Variants in PRKCA observed in about 807,000 individuals in gnomAD.
The protein encoded by PRKCA is protein kinase C alpha type.
In PRKCA, 27 loss-of-function variants were observed where a neutral mutation model predicts 87.0. The observed-to-expected ratio is 0.31, with a 90% CI of 0.23 to 0.43. PRKCA has a LOEUF of 0.43. Ranked by LOEUF, PRKCA falls within the 20% of genes least tolerant of loss-of-function variation. The pLI is 1.00. For missense variants in PRKCA, 518 were observed against 852.3 expected (o/e 0.61, Z 4.88); for synonymous variants, 329 against 311.1 (o/e 1.06, Z -0.61).
At chr17:66,750,258 G>A (rs771984075) in intron 13 of PRKCA, among the ~76,000 whole-genome samples, 1 of 152,094 alleles carries the variant, frequency 6.6e-6, no homozygotes, top group Non-Finnish European at 1.5e-5. Context: ...AAAAGCACTT[G>A]ATGAAAGAAA....
chr17:66,548,741 AG>A (rs540326116), intron 3 of PRKCA, among the ~76,000 whole-genome samples: 252 of 152,168 alleles, frequency 1.7e-3, no homozygotes, highest in African/African-American at 5.8e-3. Context: ...GATGCTGACA[AG>A]GCAGGGCGGC....
At chr17:66,538,293 G>A (rs545830399) in intron 3 of PRKCA, among the ~76,000 whole-genome samples, 11 of 152,214 alleles carry the variant, frequency 7.2e-5, no homozygotes, top group African/African-American at 2.6e-4. Flanking sequence ...CTGCAAAATG[G>A]GAGACTAGCA....
intron 2 of PRKCA, among the ~76,000 whole-genome samples, chr17:66,346,255 C>T (rs1291083480): frequency 6.6e-6 from 1 of 151,930 alleles, no homozygotes; most frequent in African/African-American, 2.4e-5. Flanking sequence ...TGCCACCACG[C>T]CTGGCTAATT....
chr17:66,516,403 C>A (rs1254729448), intron 3 of PRKCA, among the ~76,000 whole-genome samples: 1 of 152,042 alleles, frequency 6.6e-6, no homozygotes, highest in Non-Finnish European at 1.5e-5. Context: ...AAAGCCGAGG[C>A]GGGTGAATCA....
intron 2 of PRKCA, among the ~76,000 whole-genome samples, chr17:66,384,678 G>C (rs956335392): frequency 1.3e-5 from 2 of 151,992 alleles, no homozygotes; most frequent in African/African-American, 4.8e-5. Context: ...GCCCAGGCTG[G>C]AGTGTAGTGG....
intron 3 of PRKCA, among the ~76,000 whole-genome samples, chr17:66,498,122 C>A (rs921694984): frequency 9.9e-5 from 15 of 151,914 alleles, no homozygotes; most frequent in Non-Finnish European, 1.9e-4. Context: ...CATTCCCCTG[C>A]CCTCCCCCCT....
chr17:66,469,686 AAC>A (rs751001634), intron 2 of PRKCA, among the ~76,000 whole-genome samples: 1 of 152,228 alleles, frequency 6.6e-6, no homozygotes, highest in Non-Finnish European at 1.5e-5. Context: ...TTATTGAGGA[AAC>A]ATTTGCAAGT....
At chr17:66,476,832 A>G (rs1429207670) in intron 2 of PRKCA, among the ~76,000 whole-genome samples, 1 of 152,152 alleles carries the variant, frequency 6.6e-6, no homozygotes, top group Non-Finnish European at 1.5e-5. Context: ...TGTACTTTTT[A>G]TAAATTTGCT....
At chr17:66,615,391 G>A (rs1410013900) in intron 3 of PRKCA, among the ~76,000 whole-genome samples, 4 of 152,130 alleles carry the variant, frequency 2.6e-5, no homozygotes, top group African/African-American at 7.2e-5. Context: ...TATTCTGTAG[G>A]GCTCTGAAGA....
intron 3 of PRKCA, among the ~76,000 whole-genome samples, chr17:66,577,422 A>C (rs1230405103): frequency 6.6e-6 from 1 of 152,094 alleles, no homozygotes; most frequent in East Asian, 1.9e-4. Context: ...GCAATGTGGG[A>C]TGTGGACTGC....
chr17:66,778,252 A>C (rs186144220), intron 14 of PRKCA: 3 of 967,880 alleles, frequency 3.1e-6, no homozygotes, highest in Non-Finnish European at 3.7e-6. Flanking sequence ...GGTGGCTCAC[A>C]CCTGTAATCC....
chr17:66,765,418 C>G (rs867017356), intron 13 of PRKCA, among the ~76,000 whole-genome samples: 22 of 49,338 alleles, frequency 4.5e-4, no homozygotes, highest in African/African-American at 1.6e-3. Context: ...AAGACTTTGT[C>G]TATATATATA....
intron 3 of PRKCA, among the ~76,000 whole-genome samples, chr17:66,544,703 C>T (rs1411334224): frequency 1.3e-5 from 2 of 152,160 alleles, no homozygotes; most frequent in Non-Finnish European, 2.9e-5. Context: ...AGCCATTCTA[C>T]TGTCTCACCC....
intron 15 of PRKCA, among the ~76,000 whole-genome samples, chr17:66,787,561 C>T (rs559200002): frequency 2.0e-5 from 3 of 152,306 alleles, no homozygotes; most frequent in Non-Finnish European, 2.9e-5. Context: ...TTTTCTTGAG[C>T]TATAGCATAC....
chr17:66,704,747 CCTT>C (rs1973148936), intron 8 of PRKCA, among the ~76,000 whole-genome samples: 1 of 152,282 alleles, frequency 6.6e-6, no homozygotes, highest in Non-Finnish European at 1.5e-5. Flanking sequence ...TTGAGATTAT[CCTT>C]CTTACTAATT....
chr17:66,361,815 A>G (rs1908407739), intron 2 of PRKCA, among the ~76,000 whole-genome samples: 1 of 152,168 alleles, frequency 6.6e-6, no homozygotes, highest in East Asian at 1.9e-4. Flanking sequence ...TTAGTGGTTA[A>G]TATTTCCTGA....
chr17:66,708,266 C>T (rs2144116764), intron 8 of PRKCA, among the ~76,000 whole-genome samples: 1 of 152,294 alleles, frequency 6.6e-6, no homozygotes, highest in Non-Finnish European at 1.5e-5. Flanking sequence ...AGCTTCCTGC[C>T]ATTTGCCACT....
chr17:66,498,321 C>G (rs183806192), intron 3 of PRKCA, among the ~76,000 whole-genome samples: 1 of 152,320 alleles, frequency 6.6e-6, no homozygotes, highest in African/African-American at 2.4e-5. Flanking sequence ...CATAGCCTTT[C>G]ACTTCCTTGC....
intron 2 of PRKCA, among the ~76,000 whole-genome samples, chr17:66,478,890 A>G (rs1469218063): frequency 1.3e-5 from 2 of 152,162 alleles, no homozygotes; most frequent in African/African-American, 2.4e-5. Flanking sequence ...ATAAGTGTAG[A>G]TTAAAAACCA....
Sources: gnomAD v4.1 joint callset for allele counts (sites outside exome capture counted in the v4.1 genomes callset) on GRCh38, gnomAD v4.1.1 for gene constraint, MANE v1.5 for transcripts, NCBI Gene and HGNC (gene_info 2026-07-23, HGNC 2026-07-21) for gene names.